The following CADM2 variants were observed in gnomAD, a reference collection of about 807,000 sequenced individuals.
CADM2 encodes the protein cell adhesion molecule 2, also known as immunoglobulin superfamily member 4D.
A neutral mutation model predicts 49.8 loss-of-function variants in CADM2; 12 were observed. The observed-to-expected ratio is 0.24, with a 90% CI of 0.15 to 0.39. CADM2 has a LOEUF of 0.39. CADM2 is among the 10% of genes least tolerant of loss of function. CADM2 has a pLI of 1.00. For missense variants in CADM2, 378 were observed against 492.3 expected (o/e 0.77, Z 2.20); for synonymous variants, 214 against 175.4 (o/e 1.22, Z -1.74).
intron 1 of CADM2, among the ~76,000 whole-genome samples, chr3:85,491,497 C>G (rs1195416142): frequency 6.6e-6 from 1 of 152,068 alleles, no homozygotes; most frequent in Admixed American, 6.6e-5. Flanking sequence ...GTTATCACAT[C>G]ATGTGAGCGT....
intron 8 of CADM2, chr3:86,014,131 A>G: frequency 7.8e-7 from 1 of 1,281,608 alleles, no homozygotes; most frequent in Non-Finnish European, 1.1e-6. Flanking sequence ...CGCAGGCATG[A>G]TGCTTTTGAA....
intron 8 of CADM2, among the ~76,000 whole-genome samples, chr3:86,026,111 G>A (rs549351313): frequency 1.3e-5 from 2 of 152,270 alleles, no homozygotes; most frequent in African/African-American, 2.4e-5. Flanking sequence ...ACAGTTTTAA[G>A]TTGGGGGATG....
intron 3 of CADM2, among the ~76,000 whole-genome samples, chr3:85,878,772 G>T (rs1277875795): frequency 6.6e-6 from 1 of 152,040 alleles, no homozygotes; most frequent in Admixed American, 6.6e-5. Flanking sequence ...TTTAACTTTG[G>T]TGATGTTATA....
intron 1 of CADM2, among the ~76,000 whole-genome samples, chr3:85,060,346 C>T (rs2036258086): frequency 6.6e-6 from 1 of 151,894 alleles, no homozygotes; most frequent in Admixed American, 6.6e-5. Context: ...ATGCTGGTCT[C>T]GAACTCCTGA....
intron 1 of CADM2, among the ~76,000 whole-genome samples, chr3:85,530,061 G>A (rs2061262979): frequency 1.3e-5 from 2 of 151,944 alleles, no homozygotes; most frequent in Admixed American, 6.6e-5. Flanking sequence ...CATGTGCCAA[G>A]GAAGAGACTT....
intron 1 of CADM2, among the ~76,000 whole-genome samples, chr3:85,295,795 G>T (rs927131090): frequency 6.6e-6 from 1 of 152,012 alleles, no homozygotes; most frequent in African/African-American, 2.4e-5. Flanking sequence ...GGGGAGAGGG[G>T]AGGGATAGCA....
intron 1 of CADM2, among the ~76,000 whole-genome samples, chr3:85,025,496 G>A (rs576892452): frequency 2.6e-5 from 4 of 152,228 alleles, no homozygotes; most frequent in South Asian, 2.1e-4. Context: ...ATATATAGCT[G>A]ACTAATAAAC....
At chr3:85,490,681 T>C (rs2039634114) in intron 1 of CADM2, among the ~76,000 whole-genome samples, 1 of 152,194 alleles carries the variant, frequency 6.6e-6, no homozygotes, top group African/African-American at 2.4e-5. Context: ...GTTGGCTGTG[T>C]TTAAATGACC....
At chr3:85,316,384 T>A (rs979092271) in intron 1 of CADM2, among the ~76,000 whole-genome samples, 1 of 152,220 alleles carries the variant, frequency 6.6e-6, no homozygotes, top group East Asian at 1.9e-4. Context: ...AGAGGTATTC[T>A]AATCCTCTGC....
intron 1 of CADM2, among the ~76,000 whole-genome samples, chr3:85,410,515 T>C (rs768954198): frequency 6.6e-6 from 1 of 152,324 alleles, no homozygotes; most frequent in Admixed American, 6.5e-5. Flanking sequence ...ATCTCTTCTA[T>C]AATTTGATAT....
At chr3:85,085,702 C>A (rs1296336074) in intron 1 of CADM2, among the ~76,000 whole-genome samples, 1 of 152,130 alleles carries the variant, frequency 6.6e-6, no homozygotes, top group African/African-American at 2.4e-5. Flanking sequence ...CAGAATTCTT[C>A]ATATCCATGT....
intron 1 of CADM2, among the ~76,000 whole-genome samples, chr3:85,010,849 G>GTATTTTTT (rs1344797276): frequency 2.5e-5 from 1 of 40,638 alleles, no homozygotes; most frequent in Non-Finnish European, 4.5e-5. Flanking sequence ...CTCTGTTTAT[G>GTATTTTTT]TCTTTTTTTT....
chr3:85,533,127 C>A (rs749661419), intron 1 of CADM2, among the ~76,000 whole-genome samples: 1 of 152,116 alleles, frequency 6.6e-6, no homozygotes, highest in Non-Finnish European at 1.5e-5. Flanking sequence ...ATGTAACAAA[C>A]CTGTACATCT....
intron 1 of CADM2, among the ~76,000 whole-genome samples, chr3:85,709,933 C>T (rs915245808): frequency 4.6e-5 from 7 of 152,082 alleles, no homozygotes; most frequent in African/African-American, 1.4e-4. Context: ...CTGTAAATGG[C>T]TGCCTGCAGA....
chr3:85,693,915 GA>G (rs146148213), intron 1 of CADM2, among the ~76,000 whole-genome samples: 319 of 121,972 alleles, frequency 2.6e-3, no homozygotes, highest in African/African-American at 8.3e-3. Context: ...AAAGAAAAAA[GA>G]AAAAAAAAAG....
intron 8 of CADM2, among the ~76,000 whole-genome samples, chr3:86,038,089 T>G (rs1470716825): frequency 1.3e-5 from 2 of 152,198 alleles, no homozygotes; most frequent in Non-Finnish European, 2.9e-5. Flanking sequence ...ATACAGTGTT[T>G]GACTTTCTGT....
At chr3:85,060,911 G>A (rs1439892026) in intron 1 of CADM2, among the ~76,000 whole-genome samples, 1 of 152,008 alleles carries the variant, frequency 6.6e-6, no homozygotes, top group Admixed American at 6.5e-5. Context: ...ACAATAACCA[G>A]TTAAAATATA....
intron 7 of CADM2, among the ~76,000 whole-genome samples, chr3:85,939,905 A>C (rs531158772): frequency 3.3e-5 from 5 of 150,580 alleles, no homozygotes; most frequent in African/African-American, 1.2e-4. Context: ...GCAACTAGTG[A>C]GGTGTTTTAG....
intron 1 of CADM2, among the ~76,000 whole-genome samples, chr3:85,712,489 A>G (rs1441398596): frequency 1.3e-5 from 2 of 152,172 alleles, no homozygotes; most frequent in African/African-American, 4.8e-5. Context: ...TAAACTTCCA[A>G]AGAAATTTTC....
Sources: allele counts gnomAD v4.1 joint callset (sites outside exome capture counted in the v4.1 genomes callset), GRCh38; gene constraint gnomAD v4.1.1; transcripts MANE v1.5; gene names NCBI Gene and HGNC (gene_info 2026-07-23, HGNC 2026-07-21).